Variants in SNRNP200 observed in about 807,000 individuals in gnomAD.
SNRNP200 encodes the protein U5 small nuclear ribonucleoprotein 200 kDa helicase.
Under a neutral mutation model 255.2 loss-of-function variants are expected in SNRNP200, and 66 were observed. The observed-to-expected ratio is 0.26, with a 90% CI of 0.21 to 0.32. The LOEUF (loss-of-function observed/expected upper bound fraction) is 0.32, where lower values mean the gene tolerates loss of function less well. Ranked by LOEUF, SNRNP200 falls within the 10% of genes least tolerant of loss-of-function variation. The pLI is 1.00. For missense variants in SNRNP200, 1,585 were observed against 2,749.8 expected (o/e 0.58, Z 9.47); for synonymous variants, 939 against 1,027.8 (o/e 0.91, Z 1.65).
At position 96,283,279 on chromosome 2, in the gene SNRNP200, G is replaced by A; in HGVS notation, c.4837C>T (p.Leu1613=). 1 of 1,614,120 alleles carries A rather than the reference G, an allele frequency of 6.2e-7. No homozygotes were observed. The highest frequency in any genetic ancestry group is 8.5e-7 in the Non-Finnish European group (1 of 1,180,038). ...TGCAGGTAGCCCACCCCATTTAGCA[G>A]CGTTTCCTTGAGCGTGCTGTCACTT... The part of the protein sequence containing the change: ...KLSDSTLKET[L]LNGVGYLHEG... Residue 1613 remains leucine, a synonymous_variant, in exon 34 of 45, where the codon CTG becomes TTG. Coordinates refer to ENST00000323853, the MANE Select transcript of SNRNP200 (RefSeq NM_014014.5). This position sits in a 1 kb window ranked among gnomAD's most constrained non-coding sequence, Gnocchi z 4.7.
chr2:96,298,909 A>G lies in SNRNP200; in HGVS notation c.788T>C (p.Ile263Thr). The G allele has an allele frequency of 9.9e-6, 16 of 1,614,232 alleles. No individual in the cohort carries two copies. Among genetic ancestry groups the G allele is most frequent in the Non-Finnish European group, 1.4e-5 (16 of 1,180,038 alleles). Reference sequence around the variant, plus strand: ...CTGCCGCTGCAGCCAAAATGCATCAATATCCCGAGGGTGCAAATCCTTCTT... The same window carrying G: ...CTGCCGCTGCAGCCAAAATGCATCAGTATCCCGAGGGTGCAAATCCTTCTT... ...SKKKDLHPRD[I>T]DAFWLQRQLS... is the part of the protein sequence containing the mutation. The change falls in exon 7 of 45, where the codon ATT (isoleucine) becomes ACT (threonine). Residue 263 changes from isoleucine (I) to threonine (T), a missense_variant. Physicochemically the swap from Ile to Thr is moderately conservative, Grantham distance 89 (BLOSUM62 -1). This residue lies in a region of SNRNP200 where 383 missense variants were observed against 645.3 expected (regional missense o/e 0.59). Transcript: ENST00000323853.
rs193120448 is a variant in SNRNP200 at position 96,290,925 on chromosome 2, A to T, written c.2422-110T>A. ...AGAGCTTCTCTCAGGACTAGCCGGT[A>T]GGGCGCGTGGGGTCCCAGTACTTGT... is the stretch of plus-strand genomic sequence containing the variant. On this transcript the variant is annotated intron_variant, in intron 18 of 44. Transcript: ENST00000323853. The surrounding 1 kb of genome is among the most constrained non-coding windows in gnomAD (Gnocchi z 4.5). 210 of 1,335,100 alleles carry T rather than the reference A, an allele frequency of 1.6e-4. No individual in the cohort carries two copies. The highest frequency in any genetic ancestry group is 2.1e-4 in the Non-Finnish European group (195 of 941,360). 82.7% of individuals were successfully genotyped at this position (1,335,100 alleles called of 1,614,324 possible). A position where few individuals can be genotyped will look rare whatever the true frequency, so the allele number is the denominator to read the frequency against.
At position 96,298,218 on chromosome 2, in the gene SNRNP200, T is replaced by A. The variant is rs1218917693; in HGVS notation, c.1119+66A>T. The A allele has an allele frequency of 3.7e-6, 6 of 1,608,250 alleles. No individual in the cohort carries two copies. In the African/African-American group the frequency reaches 8.0e-5, roughly 21 times the overall value. ...TTCCACTTTTAACATGAATTTAGCT[T>A]CATGCTGCAATCTTCTAGCCACCGT... On this transcript the variant is annotated intron_variant, in intron 9 of 44. Transcript: ENST00000323853.
chr2:96,278,159 C>G lies in SNRNP200; in HGVS notation c.5610+78G>C, dbSNP rs117053659. The G allele has an allele frequency of 8.0e-3, 12,935 of 1,608,534 alleles. 136 individuals carry two copies. Among genetic ancestry groups the G allele is most frequent in the East Asian group, 0.051 (2,302 of 44,844 alleles). On this transcript the variant is annotated intron_variant, in intron 39 of 44. Coordinates refer to ENST00000323853, the MANE Select transcript of SNRNP200 (RefSeq NM_014014.5). The surrounding 1 kb of genome is among the most constrained non-coding windows in gnomAD (Gnocchi z 6.9). ...GGGATGCGTATGGGCGTGTTGGTGG[C>G]AGGGATGCCATGTGCTCTGGGCACA... is the stretch of plus-strand genomic sequence containing the variant.
chr2:96,293,962 A>G (rs1440924561), intron 14 of SNRNP200, among the ~76,000 whole-genome samples: 3 of 152,214 alleles, frequency 2.0e-5, no homozygotes, highest in Non-Finnish European at 4.4e-5. Context: ...GTTGTTAAAA[A>G]GGAGATTGTA....
chr2:96,295,888 G>A (rs539029241), intron 13 of SNRNP200, among the ~76,000 whole-genome samples: 2 of 152,290 alleles, frequency 1.3e-5, no homozygotes, highest in African/African-American at 2.4e-5. Context: ...GCTCATGCCT[G>A]TAATTCTAGC....
chr2:96,289,449 G>C, intron 21 of SNRNP200, 70 bp from the exon 22 acceptor site: 2 of 1,537,286 alleles, frequency 1.3e-6, no homozygotes, highest in Admixed American at 3.3e-5. Context: ...TGGACCATAA[G>C]TTACTGTCCT....
In SNRNP200 at chr2:96,281,873, G is replaced by A. The variant is rs977874424; in HGVS notation, c.4965C>T (p.Asn1655=). Residue 1655 remains asparagine (N), a synonymous_variant, in exon 35 of 45, where the codon AAC becomes AAT. Coordinates refer to ENST00000323853, the MANE Select transcript of SNRNP200 (RefSeq NM_014014.5). The part of the protein sequence containing the change: ...VASRSLCWGM[N]VAAHLVIIMD... ...TGATGATTACCAGGTGGGCAGCCAC[G>A]TTCATGCCCCAGCAGAGACTCCGAG... 6 of 1,614,024 alleles carry A rather than the reference G, an allele frequency of 3.7e-6. No individual in the cohort carries two copies. The African/African-American group carries it at 4.0e-5, about 11-fold the overall frequency.
intron 16 of SNRNP200, 101 bp downstream of exon 16, chr2:96,292,871 G>C (rs2063892249): frequency 4.3e-6 from 6 of 1,381,872 alleles, no homozygotes; most frequent in Non-Finnish European, 5.1e-6. Context: ...GATTTATGTT[G>C]TGTCTTCTCT....
rs1684682592 is a variant in SNRNP200 at position 96,277,196 on chromosome 2, G to A, written c.5977C>T (p.Arg1993Trp). The part of the protein sequence containing the change: ...FDIMEMEDEE[R>W]NALLQLTDSQ... The stretch of plus-strand genomic sequence containing the variant: ...TCAGTCAGCTGAAGCAACGCGTTCC[G>A]TTCTTCATCCTCCATCTCCATGATG... The change falls in exon 42 of 45, where the codon CGG (arginine) becomes TGG (tryptophan). Residue 1993 changes from arginine to tryptophan, a missense_variant. Transcript: ENST00000323853. The surrounding 1 kb of genome is among the most constrained non-coding windows in gnomAD (Gnocchi z 4.4). The A allele has an allele frequency of 1.9e-6, 3 of 1,614,114 alleles. No homozygotes were observed. The highest frequency in any genetic ancestry group is 1.1e-5 in the South Asian group (1 of 91,084).
chr2:96,276,636 G>A, intron 43 of SNRNP200: 1 of 458,238 alleles, frequency 2.2e-6, no homozygotes, highest in South Asian at 1.9e-5. Context: ...TGGCCAGGCT[G>A]GTCTCGAACT....
At chr2:96,294,449 G>A (rs1027628524) in intron 14 of SNRNP200, among the ~76,000 whole-genome samples, 1 of 150,954 alleles carries the variant, frequency 6.6e-6, no homozygotes, top group Non-Finnish European at 1.5e-5. Context: ...AAAAAAAAAA[G>A]CCAGACAGTC....
In SNRNP200 at chr2:96,283,775, G is replaced by GT. The variant is rs745352249; in HGVS notation, c.4584+37dup. ...CAGACCTGGGTCACTCAGGATCTATGTGACACCCCACAGACGGATGAGGAG... is the reference window on the plus strand; with the variant it reads ...CAGACCTGGGTCACTCAGGATCTATGTTGACACCCCACAGACGGATGAGGAG... On this transcript the variant is annotated intron_variant, in intron 32 of 44. Transcript: ENST00000323853. The surrounding 1 kb of genome is among the most constrained non-coding windows in gnomAD (Gnocchi z 4.7). 1 of 1,614,008 alleles carries GT rather than the reference G, an allele frequency of 6.2e-7. No homozygotes were observed.
chr2:96,287,410 G>T lies in SNRNP200; in HGVS notation c.3484+29C>A. The stretch of plus-strand genomic sequence containing the variant: ...AAACTGGGAGAGACACCCAGGCAGT[G>T]AGGACAAGGGCGAGAGCATCCCACA... On this transcript the variant is annotated intron_variant, in intron 26 of 44. Coordinates refer to ENST00000323853, the MANE Select transcript of SNRNP200 (RefSeq NM_014014.5). The surrounding 1 kb of genome is among the most constrained non-coding windows in gnomAD (Gnocchi z 5.7). 1 of 1,507,886 alleles carries T rather than the reference G, an allele frequency of 6.6e-7. No individual in the cohort carries two copies. The highest frequency in any genetic ancestry group is 9.2e-7 in the Non-Finnish European group (1 of 1,083,262). The allele number at this position is 1,507,886 out of a possible 1,614,324, so 93.4% of individuals were successfully genotyped here. A position where few individuals can be genotyped will look rare whatever the true frequency, so the allele number is the denominator to read the frequency against.
rs779977034 is a variant in SNRNP200 at position 96,301,628 on chromosome 2, A to G, written c.470T>C (p.Ile157Thr). ...KLRDKERRKE[I>T]DLLLGQTDDT... is the part of the protein sequence containing the mutation. ...ATCTGTTTGACCCAGCAGCAGGTCAATCTCCTTTCGCCTTTCCTTGTCCCG... is the reference window on the plus strand; with the variant it reads ...ATCTGTTTGACCCAGCAGCAGGTCAGTCTCCTTTCGCCTTTCCTTGTCCCG... Residue 157 changes from isoleucine to threonine, a missense_variant, in exon 4 of 45, where the codon ATT becomes ACT. Physicochemically the swap from Ile to Thr is moderately conservative, Grantham distance 89. Coordinates refer to ENST00000323853, the MANE Select transcript of SNRNP200 (RefSeq NM_014014.5). 5 of 1,614,046 alleles carry G rather than the reference A, an allele frequency of 3.1e-6. No homozygotes were observed. Among genetic ancestry groups the G allele is most frequent in the Non-Finnish European group, 4.2e-6 (5 of 1,180,046 alleles).
chr2:96,280,684 G>C (rs1222392335), intron 35 of SNRNP200, among the ~76,000 whole-genome samples: 1 of 151,658 alleles, frequency 6.6e-6, no homozygotes, highest in Non-Finnish European at 1.5e-5. Context: ...CAGGTAGCTG[G>C]GATTACAGGC....
At position 96,274,945 on chromosome 2, in the gene SNRNP200, T is replaced by G; in HGVS notation, c.*67A>C. 1 of 1,591,400 alleles carries G rather than the reference T, an allele frequency of 6.3e-7. No homozygotes were observed. The highest frequency in any genetic ancestry group is 8.6e-7 in the Non-Finnish European group (1 of 1,162,288). ...CAGACCTGGTCCCCACAACCAGGAT[T>G]CCTACAATGTACACATTCCTAATTC... On this transcript the variant is annotated 3_prime_UTR_variant, in exon 45 of 45. Transcript: ENST00000323853.
In SNRNP200 at chr2:96,289,269, G is replaced by A. The variant is rs1346939824; in HGVS notation, c.3051C>T (p.Val1017=). 6.2e-7 allele frequency: 1 copy of A among 1,614,192 alleles called. No homozygotes were observed. The highest frequency in any genetic ancestry group is 1.1e-5 in the South Asian group (1 of 91,086). The stretch of plus-strand genomic sequence containing the variant: ...TCTTGAACTCAGAGGACAATGAGAA[G>A]ACCCTGAAAAGCTCAATCTCACTCA... The part of the protein sequence containing the change: ...PTLSEIELFR[V]FSLSSEFKNI... Residue 1017 remains valine, a synonymous_variant, in exon 22 of 45, where the codon GTC becomes GTT. Coordinates refer to ENST00000323853, the MANE Select transcript of SNRNP200 (RefSeq NM_014014.5).
Position 96,290,091 on chromosome 2 carries a change from C to A in SNRNP200, c.2743-95G>T. The A allele has an allele frequency of 1.7e-6, 2 of 1,190,866 alleles. No homozygotes were observed. Among genetic ancestry groups the A allele is most frequent in the Non-Finnish European group, 2.5e-6 (2 of 798,396 alleles). The allele number at this position is 1,190,866 out of a possible 1,614,324, so 73.8% of individuals were successfully genotyped here. A position where few individuals can be genotyped will look rare whatever the true frequency, so the allele number is the denominator to read the frequency against. ...TTGCTTAGAAATTAATTCCCAACTA[C>A]AAGGATGCATATTACATCGTATTCT... On this transcript the variant is annotated intron_variant, in intron 20 of 44. Transcript: ENST00000323853. This position sits in a 1 kb window ranked among gnomAD's most constrained non-coding sequence, Gnocchi z 4.5.
Sources: allele counts gnomAD v4.1 joint callset (sites outside exome capture counted in the v4.1 genomes callset), GRCh38; gene constraint gnomAD v4.1.1; regional missense constraint gnomAD v4.1.1; non-coding constraint Gnocchi (gnomAD v3.1); transcripts MANE v1.5; gene names NCBI Gene and HGNC (gene_info 2026-07-23, HGNC 2026-07-21).